FYB1: variants seen among roughly 807,000 people sequenced by gnomAD.
FYB1 encodes FYN binding protein 1.
FYB1 carries 41 observed loss-of-function variants against 94.1 expected under a neutral mutation model. The observed-to-expected ratio is 0.44, with a 90% CI of 0.34 to 0.57. FYB1 has a LOEUF of 0.57. Among genes scored for constraint, FYB1 ranks in the 20% least tolerant of loss-of-function variants. FYB1 has a pLI of 0.02. For missense variants in FYB1, 1,050 were observed against 976.8 expected (o/e 1.07, Z -1.00); for synonymous variants, 367 against 353.2 (o/e 1.04, Z -0.44).
chr5:39,166,883 A>G (rs1472601287), intron 2 of FYB1, among the ~76,000 whole-genome samples: 1 of 152,152 alleles, frequency 6.6e-6, no homozygotes, highest in East Asian at 1.9e-4. Flanking sequence ...TGGTTATAAT[A>G]AAAGCCCAGA....
intron 1 of FYB1, among the ~76,000 whole-genome samples, chr5:39,218,020 A>C (rs1395473709): frequency 6.6e-6 from 1 of 152,220 alleles, no homozygotes; most frequent in Non-Finnish European, 1.5e-5. Flanking sequence ...GCAGCATTGC[A>C]CCAGAAATCA....
chr5:39,233,139 C>T (rs1329133318), intron 1 of FYB1, among the ~76,000 whole-genome samples: 12 of 152,172 alleles, frequency 7.9e-5, no homozygotes, highest in Non-Finnish European at 7.3e-5. Flanking sequence ...TGAGGAATCG[C>T]CACACTGACT....
At chr5:39,228,106 C>A (rs1420293002) in intron 1 of FYB1, among the ~76,000 whole-genome samples, 1 of 152,074 alleles carries the variant, frequency 6.6e-6, no homozygotes, top group Non-Finnish European at 1.5e-5. Context: ...TTAACAAGAG[C>A]AATAATATTA....
intron 2 of FYB1, among the ~76,000 whole-genome samples, chr5:39,177,924 T>C (rs1055833441): frequency 9.2e-5 from 14 of 152,198 alleles, no homozygotes; most frequent in Admixed American, 8.5e-4. Context: ...AAATTAAGAT[T>C]TAGAACAATG....
At chr5:39,256,203 C>G (rs1446854597) in intron 1 of FYB1, among the ~76,000 whole-genome samples, 1 of 152,002 alleles carries the variant, frequency 6.6e-6, no homozygotes. Flanking sequence ...GGCATTTTTT[C>G]CTCACCTATA....
At chr5:39,183,651 C>T (rs897352519) in intron 2 of FYB1, among the ~76,000 whole-genome samples, 1 of 151,946 alleles carries the variant, frequency 6.6e-6, no homozygotes, top group Admixed American at 6.6e-5. Flanking sequence ...CTATGTGTCC[C>T]TAAAAAAATG....
chr5:39,220,345 A>C (rs1283508553), upstream of FYB1, among the ~76,000 whole-genome samples: 1 of 151,690 alleles, frequency 6.6e-6, no homozygotes, highest in East Asian at 1.9e-4. Context: ...CAGGAGTTCA[A>C]GGCTTCAGTG....
intron 1 of FYB1, among the ~76,000 whole-genome samples, chr5:39,248,987 A>C (rs1751601358): frequency 6.6e-6 from 1 of 152,250 alleles, no homozygotes; most frequent in Non-Finnish European, 1.5e-5. Context: ...AATTAAATAA[A>C]ATAAACAATT....
At chr5:39,215,818 AT>A (rs1267954135) in intron 1 of FYB1, among the ~76,000 whole-genome samples, 13 of 152,184 alleles carry the variant, frequency 8.5e-5, no homozygotes, top group Non-Finnish European at 1.8e-4. Flanking sequence ...AGATACGCCC[AT>A]GTATCAGAAC....
At chr5:39,203,478 CTG>C (rs1748563602) in intron 1 of FYB1, among the ~76,000 whole-genome samples, 1 of 152,074 alleles carries the variant, frequency 6.6e-6, no homozygotes, top group Non-Finnish European at 1.5e-5. Context: ...ACATACATCT[CTG>C]TGGTTTGCAA....
intron 9 of FYB1, among the ~76,000 whole-genome samples, chr5:39,133,936 C>T (rs1309935181): frequency 1.3e-5 from 2 of 152,066 alleles, no homozygotes; most frequent in Non-Finnish European, 2.9e-5. Flanking sequence ...TCATAATGAA[C>T]ATTATAAAAG....
chr5:39,203,027 G>A, intron 1 of FYB1, 40 bp from the exon 2 acceptor site: 2 of 1,568,496 alleles, frequency 1.3e-6, no homozygotes, highest in African/African-American at 2.7e-5. Context: ...AGAGACAAAA[G>A]TCTTACTTGC....
At chr5:39,220,051 T>C (rs1371885787), upstream of FYB1, among the ~76,000 whole-genome samples, 1 of 152,150 alleles carries the variant, frequency 6.6e-6, no homozygotes, top group Non-Finnish European at 1.5e-5. Flanking sequence ...CTCTGTCGGC[T>C]CTCTGTTAGA....
At chr5:39,147,312 C>G (rs1036317859) in intron 3 of FYB1, among the ~76,000 whole-genome samples, 1 of 151,878 alleles carries the variant, frequency 6.6e-6, no homozygotes, top group African/African-American at 2.4e-5. Flanking sequence ...CTCTGTCCCC[C>G]AGGCTGGAGT....
chr5:39,157,822 C>G (rs1252732203), intron 2 of FYB1, among the ~76,000 whole-genome samples: 2 of 152,124 alleles, frequency 1.3e-5, no homozygotes, highest in African/African-American at 2.4e-5. Context: ...GGGTATGGAT[C>G]CCTGTAGTAG....
intron 1 of FYB1, among the ~76,000 whole-genome samples, chr5:39,207,579 T>A (rs1748972843): frequency 6.6e-6 from 1 of 152,250 alleles, no homozygotes; most frequent in Non-Finnish European, 1.5e-5. Context: ...AGACATCCCA[T>A]CTTTTCTGTT....
At chr5:39,271,517 G>C (rs140195975) in intron 1 of FYB1, among the ~76,000 whole-genome samples, 1 of 152,136 alleles carries the variant, frequency 6.6e-6, no homozygotes, top group Non-Finnish European at 1.5e-5. Flanking sequence ...TCCAGATCTT[G>C]TTGTAAGTAT....
chr5:39,181,905 T>G (rs760907316), intron 2 of FYB1, among the ~76,000 whole-genome samples: 16 of 152,200 alleles, frequency 1.1e-4, no homozygotes, highest in Non-Finnish European at 2.4e-4. Context: ...CTTAACATAA[T>G]GTCTACCCTC....
At chr5:39,192,705 A>G (rs970514357) in intron 2 of FYB1, among the ~76,000 whole-genome samples, 11 of 152,214 alleles carry the variant, frequency 7.2e-5, no homozygotes, top group Non-Finnish European at 1.6e-4. Context: ...ATATTAAGGG[A>G]ACTCTTCCCT....
Sources: gnomAD v4.1 joint callset for allele counts (sites outside exome capture counted in the v4.1 genomes callset) on GRCh38, gnomAD v4.1.1 for gene constraint, MANE v1.5 for transcripts, NCBI Gene and HGNC (gene_info 2026-07-23, HGNC 2026-07-21) for gene names.